The following TRIM32 variants were observed in gnomAD, a reference collection of about 807,000 sequenced individuals.
TRIM32 encodes the protein tripartite motif containing 32.
Under a neutral mutation model 36.0 loss-of-function variants are expected in TRIM32, and 19 were observed. The ratio of observed to expected loss-of-function variants is 0.53; its 90% CI spans 0.37 to 0.77. The LOEUF is 0.77. TRIM32 is among the 30% of genes least tolerant of loss of function. TRIM32 has a pLI of 0.00. For missense variants in TRIM32, 747 were observed against 845.2 expected (o/e 0.88, Z 1.44); for synonymous variants, 309 against 318.5 (o/e 0.97, Z 0.32).
At chr9:116,691,421 G>A (rs1038346773) in intron 1 of TRIM32, among the ~76,000 whole-genome samples, 1 of 152,030 alleles carries the variant, frequency 6.6e-6, no homozygotes, top group African/African-American at 2.4e-5. Context: ...AGTCTTTCTA[G>A]GTCCTGCAGT....
In TRIM32 at chr9:116,698,673, G is replaced by C. The variant is rs1485476513; in HGVS notation, c.931G>C (p.Ala311Pro). The change falls in exon 2 of 2, where the codon GCC (alanine) becomes CCC (proline). Residue 311 changes from alanine to proline, a missense_variant. Ala to Pro is a conservative substitution (Grantham distance 27). Coordinates refer to ENST00000450136, the MANE Select transcript of TRIM32 (RefSeq NM_012210.4). The surrounding 1 kb of genome is among the most constrained non-coding windows in gnomAD (Gnocchi z 4.4). ...CGTGGAAGATTCCTGGGCCATGGAG[G>C]CCACAGCGTCTGCTGCCTCTACCTC... is the stretch of plus-strand genomic sequence containing the variant. The part of the protein sequence containing the change: ...VNVEDSWAME[A>P]TASAASTSVT... 1 of 1,614,160 alleles carries C rather than the reference G, an allele frequency of 6.2e-7. No individual in the cohort carries two copies. The highest frequency in any genetic ancestry group is 8.5e-7 in the Non-Finnish European group (1 of 1,180,030).
chr9:116,687,899 G>A (rs1430787813), intron 1 of TRIM32, among the ~76,000 whole-genome samples: 1 of 152,004 alleles, frequency 6.6e-6, no homozygotes, highest in Non-Finnish European at 1.5e-5. Flanking sequence ...TTCGGAGTGG[G>A]CTGAGGGTGA....
In TRIM32 at chr9:116,689,853, G is replaced by C. The variant is rs569426994; in HGVS notation, c.-82+2472G>C. On this transcript the variant is annotated intron_variant, in intron 1 of 1. Coordinates refer to ENST00000450136, the MANE Select transcript of TRIM32 (RefSeq NM_012210.4). Reference sequence around the variant, plus strand: ...AGGATGAGGTGCAACGGACTATAGGGTGAGGTATGGAGGCCATTGGCTTGA... The same window carrying C: ...AGGATGAGGTGCAACGGACTATAGGCTGAGGTATGGAGGCCATTGGCTTGA... Among the ~76,000 whole-genome samples the C allele has an allele frequency of 7.9e-5, 12 of 152,260 alleles. No homozygotes were observed. The East Asian group carries it at 2.3e-3, about 29-fold the overall frequency.
intron 1 of TRIM32, among the ~76,000 whole-genome samples, chr9:116,689,184 T>C (rs978364998): frequency 2.6e-5 from 4 of 152,200 alleles, no homozygotes; most frequent in Non-Finnish European, 5.9e-5. Context: ...TAGAGTCAGA[T>C]ACCCTGGGTT....
At chr9:116,687,530 A>G (rs933252584) in intron 1 of TRIM32, 149 bp downstream of exon 1, 1 of 6,506 alleles carries the variant, frequency 1.5e-4, no homozygotes. Context: ...GGGCAGGACT[A>G]GGGTGGGGGT....
In TRIM32 at chr9:116,699,644, C is replaced by G; in HGVS notation, c.1902C>G (p.Asp634Glu). 6.2e-7 allele frequency: 1 copy of G among 1,614,148 alleles called. No homozygotes were observed. Among genetic ancestry groups the G allele is most frequent in the Non-Finnish European group, 8.5e-7 (1 of 1,180,016 alleles). The change falls in exon 2 of 2, where the codon GAC becomes GAG. Residue 634 changes from aspartate to glutamate, a missense_variant. Coordinates refer to ENST00000450136, the MANE Select transcript of TRIM32 (RefSeq NM_012210.4). The surrounding 1 kb of genome is among the most constrained non-coding windows in gnomAD (Gnocchi z 4.2). ...CTAAGGGGCAGCTGCTGGTCTTGGA[C>G]TGTTGGGATCATTGCATCAAGATCT... ...LTPKGQLLVL[D>E]CWDHCIKIYS... is the part of the protein sequence containing the mutation.
At position 116,697,673 on chromosome 9, in the gene TRIM32, C is replaced by A. The variant is rs1588214551; in HGVS notation, c.-70C>A. On this transcript the variant is annotated 5_prime_UTR_variant, in exon 2 of 2. Transcript: ENST00000450136. ...CTTTTTCTCTTTAGCAGGAATTTGA[C>A]CCTCTAGGGCATGAATACTGTGCTG... The A allele has an allele frequency of 6.3e-7, 1 of 1,590,672 alleles. No individual in the cohort carries two copies. The highest frequency in any genetic ancestry group is 1.3e-5 in the African/African-American group (1 of 74,590).
At chr9:116,692,828 T>G (rs1471972578) in intron 1 of TRIM32, among the ~76,000 whole-genome samples, 1 of 152,182 alleles carries the variant, frequency 6.6e-6, no homozygotes, top group African/African-American at 2.4e-5. Context: ...CACAGCTCAC[T>G]GCAACCTCCA....
intron 1 of TRIM32, among the ~76,000 whole-genome samples, chr9:116,694,343 G>A (rs751447830): frequency 6.6e-5 from 10 of 151,986 alleles, no homozygotes; most frequent in African/African-American, 2.2e-4. Flanking sequence ...GTAAGGTAAC[G>A]TTCTAGATTC....
Position 116,698,647 on chromosome 9 carries a change from A to C in TRIM32, c.905A>C (p.Asn302Thr). 6.2e-7 allele frequency: 1 copy of C among 1,614,160 alleles called. No homozygotes were observed. Among genetic ancestry groups the C allele is most frequent in the Non-Finnish European group, 8.5e-7 (1 of 1,180,022 alleles). ...GCTGTTAAGAAGCCCCGGACAGTTAACGTGGAAGATTCCTGGGCCATGGAG... is the reference window on the plus strand; with the variant it reads ...GCTGTTAAGAAGCCCCGGACAGTTACCGTGGAAGATTCCTGGGCCATGGAG... ...GQAVKKPRTV[N>T]VEDSWAMEAT... Residue 302 changes from asparagine to threonine, a missense_variant, in exon 2 of 2, where the codon AAC becomes ACC. Coordinates refer to ENST00000450136, the MANE Select transcript of TRIM32 (RefSeq NM_012210.4). This position sits in a 1 kb window ranked among gnomAD's most constrained non-coding sequence, Gnocchi z 4.4.
rs371233848 is a variant in TRIM32 at position 116,699,230 on chromosome 9, C to G, written c.1488C>G (p.Phe496Leu). Reference protein sequence around the residue: ...TDVEGGKLWCFTVDRGSGVVK... With the variant: ...TDVEGGKLWCLTVDRGSGVVK... ...TGGAAGGTGGAAAGCTTTGGTGTTT[C>G]ACAGTTGATCGAGGATCAGGGGTGG... Residue 496 changes from phenylalanine (F) to leucine (L), a missense_variant, in exon 2 of 2, where the codon TTC becomes TTG. Transcript: ENST00000450136. This position sits in a 1 kb window ranked among gnomAD's most constrained non-coding sequence, Gnocchi z 4.2. 2.8e-5 allele frequency: 46 copies of G among 1,614,114 alleles called. No individual in the cohort carries two copies. The highest frequency in any genetic ancestry group is 3.8e-5 in the Non-Finnish European group (45 of 1,180,054).
In TRIM32 at chr9:116,697,840, G is replaced by A. The variant is rs199863390; in HGVS notation, c.98G>A (p.Arg33His). ...GAGTCCTTCACAGAAGAGCAGCTGC[G>A]TCCCAAGCTTCTGCACTGTGGCCAT... ...CMESFTEEQL[R>H]PKLLHCGHTI... Residue 33 changes from arginine to histidine, a missense_variant, in exon 2 of 2, where the codon CGT (arginine) becomes CAT (histidine). Transcript: ENST00000450136. 3.1e-6 allele frequency: 5 copies of A among 1,614,152 alleles called. No individual in the cohort carries two copies. The highest frequency in any genetic ancestry group is 4.5e-5 in the East Asian group (2 of 44,868).
At chr9:116,690,504 G>T (rs575825332) in intron 1 of TRIM32, among the ~76,000 whole-genome samples, 171 of 152,304 alleles carry the variant, frequency 1.1e-3, no homozygotes, top group Non-Finnish European at 1.7e-3. Flanking sequence ...CCTTAAAGTA[G>T]ATCATTGTCT....
At chr9:116,688,135 A>T (rs567833792) in intron 1 of TRIM32, among the ~76,000 whole-genome samples, 44 of 152,052 alleles carry the variant, frequency 2.9e-4, no homozygotes, top group African/African-American at 1.1e-3. Context: ...TGCGGGGCTG[A>T]GTGTGGCAGA....
intron 1 of TRIM32, among the ~76,000 whole-genome samples, chr9:116,695,619 G>T (rs181673266): frequency 1.2e-4 from 18 of 152,174 alleles, no homozygotes; most frequent in Non-Finnish European, 1.6e-4. Context: ...CTTCTCCTGG[G>T]TGGTTGACCA....
chr9:116,687,916 G>C (rs1373976245), intron 1 of TRIM32, among the ~76,000 whole-genome samples: 1 of 152,084 alleles, frequency 6.6e-6, no homozygotes, highest in Admixed American at 6.5e-5. Context: ...GTGAGATTGA[G>C]GGGGTGGGGT....
rs1281801189 is a variant in TRIM32 at position 116,687,361 on chromosome 9, G to T, written c.-102G>T. 3.0e-6 allele frequency: 2 copies of T among 662,492 alleles called. No individual in the cohort carries two copies. The highest frequency in any genetic ancestry group is 2.0e-5 in the African/African-American group (1 of 50,190). The allele number at this position is 662,492 out of a possible 1,614,324, so 41.0% of individuals were successfully genotyped here. A position where few individuals can be genotyped will look rare whatever the true frequency, so the allele number is the denominator to read the frequency against. On this transcript the variant is annotated 5_prime_UTR_variant, in exon 1 of 2. Coordinates refer to ENST00000450136, the MANE Select transcript of TRIM32 (RefSeq NM_012210.4). Reference sequence around the variant, plus strand: ...CGGGTGGGCTGCCGGCGGTGGACTCGTCGGAGCCGCGGGCGGTCAGGTAGG... The same window carrying T: ...CGGGTGGGCTGCCGGCGGTGGACTCTTCGGAGCCGCGGGCGGTCAGGTAGG...
In TRIM32 at chr9:116,699,321, G is replaced by A. The variant is rs368901621; in HGVS notation, c.1579G>A (p.Val527Ile). The part of the protein sequence containing the change: ...KFVTCDAEGT[V>I]YFTQGLGLNL... ...TGTCACCTGTGATGCTGAGGGCACC[G>A]TCTACTTCACCCAGGGCTTAGGCCT... The change falls in exon 2 of 2, where the codon GTC becomes ATC. Residue 527 changes from valine to isoleucine, a missense_variant. Physicochemically the swap from Val to Ile is conservative, Grantham distance 29. Transcript: ENST00000450136. The surrounding 1 kb of genome is among the most constrained non-coding windows in gnomAD (Gnocchi z 4.2). 20 of 1,614,066 alleles carry A rather than the reference G, an allele frequency of 1.2e-5. No homozygotes were observed. Among genetic ancestry groups the A allele is most frequent in the Admixed American group, 5.0e-5 (3 of 60,004 alleles).
rs551253712 is a variant in TRIM32, at chr9:116,693,142, G to A, written c.-81-4520G>A. 9.9e-5 allele frequency among the ~76,000 whole-genome samples: 15 copies of A among 152,182 alleles called. No individual in the cohort carries two copies. The South Asian group carries it at 2.9e-3, about 30-fold the overall frequency. ...CTAGTTATTGTTAATGCTGTTTCTG[G>A]TTATTATTTATTTAGCATCCTTTTA... On this transcript the variant is annotated intron_variant, in intron 1 of 1. Coordinates refer to ENST00000450136, the MANE Select transcript of TRIM32 (RefSeq NM_012210.4).
Sources: gnomAD v4.1 joint callset for allele counts (sites outside exome capture counted in the v4.1 genomes callset) on GRCh38, gnomAD v4.1.1 for gene constraint, Gnocchi (gnomAD v3.1) non-coding constraint, MANE v1.5 for transcripts, NCBI Gene and HGNC (gene_info 2026-07-23, HGNC 2026-07-21) for gene names.